The following DIP2C variants were observed in gnomAD, a reference collection of about 807,000 sequenced individuals.
The protein encoded by DIP2C is disco-interacting protein 2 homolog C.
DIP2C carries 33 observed loss-of-function variants against 192.4 expected under a neutral mutation model. The ratio of observed to expected loss-of-function variants is 0.17; its 90% CI spans 0.13 to 0.23. DIP2C has a LOEUF of 0.23. DIP2C is among the 10% of genes least tolerant of loss of function. The pLI, the probability that DIP2C is intolerant of heterozygous loss-of-function variation, is 1.00. For synonymous variants in DIP2C, 979 were observed against 864.1 expected (o/e 1.13, Z -2.33); for missense variants, 1,537 against 2,110.1 (o/e 0.73, Z 5.32).
intron 29 of DIP2C, among the ~76,000 whole-genome samples, chr10:331,087 A>C (rs1262720736): frequency 1.3e-5 from 2 of 150,606 alleles, no homozygotes; most frequent in Admixed American, 6.7e-5. Flanking sequence ...AAGTGCTAGG[A>C]TTATAGGCAT....
At chr10:613,980 C>A (rs754973233) in intron 1 of DIP2C, among the ~76,000 whole-genome samples, 1 of 152,188 alleles carries the variant, frequency 6.6e-6, no homozygotes, top group African/African-American at 2.4e-5. Context: ...TACCCACATA[C>A]AGGACCAGGA....
intron 1 of DIP2C, among the ~76,000 whole-genome samples, chr10:523,462 G>C (rs1846852497): frequency 7.9e-6 from 1 of 127,152 alleles, no homozygotes. Flanking sequence ...GTTTCTACTG[G>C]ATGCAAAGGA....
intron 17 of DIP2C, chr10:369,876 A>G: frequency 7.3e-7 from 1 of 1,366,578 alleles, no homozygotes; most frequent in Non-Finnish European, 9.6e-7. Context: ...CCCGTAAACT[A>G]CCAACGCAGC....
At chr10:493,938 C>G (rs915012710) in intron 1 of DIP2C, among the ~76,000 whole-genome samples, 1 of 152,232 alleles carries the variant, frequency 6.6e-6, no homozygotes, top group East Asian at 1.9e-4. Context: ...CGTCCTACCT[C>G]CAACTACAGG....
At chr10:437,006 CACCCACACCTGA>C (rs1967299317) in intron 4 of DIP2C, among the ~76,000 whole-genome samples, 1 of 134,858 alleles carries the variant, frequency 7.4e-6, no homozygotes, top group African/African-American at 2.8e-5. Flanking sequence ...GGCCATGCTC[CACCCACACCTGA>C]GCTCTCTCCG....
At chr10:487,567 G>GT (rs71376836) in intron 1 of DIP2C, among the ~76,000 whole-genome samples, 843 of 54,204 alleles carry the variant, frequency 0.016, 156 homozygotes, top group African/African-American at 0.026. Flanking sequence ...ATCAATGAGT[G>GT]TTTTTTTTTT....
intron 1 of DIP2C, among the ~76,000 whole-genome samples, chr10:523,703 A>C (rs1846874667): frequency 1.4e-5 from 2 of 142,986 alleles, no homozygotes; most frequent in African/African-American, 5.4e-5. Flanking sequence ...TCACCCACAC[A>C]CTCGTTTCTA....
intron 10 of DIP2C, among the ~76,000 whole-genome samples, chr10:396,835 G>A (rs564562741): frequency 3.2e-5 from 2 of 62,870 alleles, no homozygotes; most frequent in Non-Finnish European, 4.6e-5. Context: ...GTGGGGGGGG[G>A]GGAAACTGGC....
Position 329,462 on chromosome 10 carries a change from C to T in DIP2C, c.3724G>A (p.Gly1242Arg). ...SYSVMELCTK[G>R]LGSQTESLKA... Reference sequence around the variant, plus strand: ...AGGGACTCTGTTTGCGAGCCCAGCCCCTTGGTGCACAGCTCCATCACGGAG... The same window carrying T: ...AGGGACTCTGTTTGCGAGCCCAGCCTCTTGGTGCACAGCTCCATCACGGAG... The change falls in exon 30 of 37, where the codon GGG becomes AGG. Residue 1242 changes from glycine (G) to arginine (R), a missense_variant. Coordinates refer to ENST00000280886, the MANE Select transcript of DIP2C (RefSeq NM_014974.3). 2.5e-6 allele frequency: 4 copies of T among 1,613,998 alleles called. No homozygotes were observed. The highest frequency in any genetic ancestry group is 3.4e-6 in the Non-Finnish European group (4 of 1,179,934).
intron 29 of DIP2C, among the ~76,000 whole-genome samples, chr10:330,417 GGTTTTA>G (rs1957452083): frequency 6.6e-6 from 1 of 152,042 alleles, no homozygotes; most frequent in Non-Finnish European, 1.5e-5. Context: ...CATTTTTAAT[GGTTTTA>G]ATTTTGTTTA....
chr10:482,870 G>C (rs1342800166), intron 2 of DIP2C, among the ~76,000 whole-genome samples: 1 of 152,222 alleles, frequency 6.6e-6, no homozygotes, highest in African/African-American at 2.4e-5. Context: ...GGATGGGTTT[G>C]AACCGCAGAA....
chr10:542,178 C>T (rs1011234631), intron 1 of DIP2C, among the ~76,000 whole-genome samples: 1 of 152,204 alleles, frequency 6.6e-6, no homozygotes, highest in African/African-American at 2.4e-5. Context: ...CCTGTGACGG[C>T]TCACTCCCTC....
intron 8 of DIP2C, among the ~76,000 whole-genome samples, chr10:411,009 G>A (rs1476103324): frequency 3.9e-5 from 6 of 152,200 alleles, no homozygotes; most frequent in Admixed American, 3.9e-4. Context: ...AGTGTAACTG[G>A]TGAGGGGAGA....
At chr10:329,742 T>A (rs1372491752) in intron 29 of DIP2C, 141 bp from the exon 30 acceptor site, 2 of 1,077,818 alleles carry the variant, frequency 1.9e-6, no homozygotes, top group Non-Finnish European at 2.6e-6. Context: ...AAGGGCACAG[T>A]AAAGCCAACG....
chr10:674,443 A>G (rs1830784471), intron 1 of DIP2C, among the ~76,000 whole-genome samples: 1 of 152,292 alleles, frequency 6.6e-6, no homozygotes, highest in Non-Finnish European at 1.5e-5. Context: ...CCAACAACAA[A>G]GCACCCAGAT....
At chr10:377,208 G>A (rs537739660) in intron 17 of DIP2C, among the ~76,000 whole-genome samples, 1 of 151,920 alleles carries the variant, frequency 6.6e-6, no homozygotes, top group Middle Eastern at 3.4e-3. Flanking sequence ...CCAAAAACGG[G>A]ATCACACTAT....
Position 334,965 on chromosome 10 carries a change from C to A in DIP2C, c.3585-5364G>T, listed in dbSNP as rs1029499400. On this transcript the variant is annotated intron_variant, in intron 29 of 36. Transcript: ENST00000280886. ...TATTATCAATTTCTGCCCCAAAAAA[C>A]CCCCAAAAAATAGCCTGCCAAGATT... Among the ~76,000 whole-genome samples, 8 of 152,262 alleles carry A rather than the reference C, an allele frequency of 5.3e-5. No homozygotes were observed. In the East Asian group the frequency reaches 5.8e-4, roughly 11 times the overall value.
chr10:567,714 T>G lies in DIP2C; in HGVS notation c.86-81184A>C, dbSNP rs816625. On this transcript the variant is annotated intron_variant, in intron 1 of 36. Coordinates refer to ENST00000280886, the MANE Select transcript of DIP2C (RefSeq NM_014974.3). ...ATGCAGTGGTGTGATCTCTGCTCACTGCAGCCTCCGCCTCCCAGGATCAAG... is the reference window on the plus strand; with the variant it reads ...ATGCAGTGGTGTGATCTCTGCTCACGGCAGCCTCCGCCTCCCAGGATCAAG... Among the ~76,000 whole-genome samples, 1,356 of 152,316 alleles carry G rather than the reference T, an allele frequency of 8.9e-3. 23 individuals carry two copies. The highest frequency in any genetic ancestry group is 0.031 in the African/African-American group (1,309 of 41,566).
At chr10:585,766 T>C (rs193059032) in intron 1 of DIP2C, among the ~76,000 whole-genome samples, 117 of 152,176 alleles carry the variant, frequency 7.7e-4, no homozygotes, top group Non-Finnish European at 1.4e-3. Flanking sequence ...AAACTGAGGA[T>C]TGTGGCAGAA....
Sources: allele counts gnomAD v4.1 joint callset (sites outside exome capture counted in the v4.1 genomes callset), GRCh38; gene constraint gnomAD v4.1.1; transcripts MANE v1.5; gene names NCBI Gene and HGNC (gene_info 2026-07-23, HGNC 2026-07-21).